Variants in AACS observed in about 807,000 individuals in gnomAD.
AACS encodes the protein acetoacetyl-CoA synthetase, also known as acetoacetate-CoA ligase.
In AACS, 69 loss-of-function variants were observed where a neutral mutation model predicts 83.1. The observed-to-expected ratio is 0.83, with a 90% CI of 0.68 to 1.01. AACS has a LOEUF of 1.01. AACS is among the 50% of genes least tolerant of loss of function. The probability of loss-of-function intolerance (pLI) is 0.00; values close to 1 mark genes in which losing one functional copy is unlikely to be tolerated. For missense variants in AACS, 866 were observed against 882.2 expected (o/e 0.98, Z 0.23); for synonymous variants, 333 against 343.4 (o/e 0.97, Z 0.33).
chr12:125,086,216 G>A, intron 3 of AACS, 114 bp from the exon 4 acceptor site: 3 of 834,776 alleles, frequency 3.6e-6, no homozygotes, highest in East Asian at 2.5e-5. Flanking sequence ...TGTTTTCCCT[G>A]GGTGTAGATT....
intron 12 of AACS, chr12:125,126,505 G>C (rs141352966): frequency 6.6e-6 from 1 of 152,176 alleles, no homozygotes; most frequent in African/African-American, 2.4e-5. Context: ...ATGTAGTTTA[G>C]GGTACACACC....
In AACS at chr12:125,130,391, A is replaced by C. The variant is rs1466213857; in HGVS notation, c.1549+931A>C. On this transcript the variant is annotated intron_variant, in intron 14 of 17. Transcript: ENST00000316519. This position sits in a 1 kb window ranked among gnomAD's most constrained non-coding sequence, Gnocchi z 4.9. ...TGGCTCCTGCCGTGAGCAGCTGTGC[A>C]GACAGACGAATGCAGAAAAGCAAGA... 6.6e-6 allele frequency among the ~76,000 whole-genome samples: 1 copy of C among 152,272 alleles called. No homozygotes were observed. The highest frequency in any genetic ancestry group is 1.9e-4 in the East Asian group (1 of 5,202).
At chr12:125,115,942 G>A (rs1404879921) in intron 9 of AACS, among the ~76,000 whole-genome samples, 3 of 152,234 alleles carry the variant, frequency 2.0e-5, no homozygotes, top group Non-Finnish European at 4.4e-5. Flanking sequence ...ACAGGCTCAA[G>A]AGTGGTGACC....
At position 125,094,914 on chromosome 12, in the gene AACS, T is replaced by G. The variant is rs1193886155; in HGVS notation, c.570+3391T>G. 1.3e-5 allele frequency among the ~76,000 whole-genome samples: 2 copies of G among 152,052 alleles called. No individual in the cohort carries two copies. The highest frequency in any genetic ancestry group is 4.8e-5 in the African/African-American group (2 of 41,400). On this transcript the variant is annotated intron_variant, in intron 5 of 17. Transcript: ENST00000316519. This position sits in a 1 kb window ranked among gnomAD's most constrained non-coding sequence, Gnocchi z 4.1. ...TCAGGGAAGGCCACCCTCTGATCCC[T>G]GCACACCAGAGAGCCCAGCCTGTAG...
At chr12:125,137,113 C>T (rs1054966472) in intron 17 of AACS, among the ~76,000 whole-genome samples, 8 of 152,218 alleles carry the variant, frequency 5.3e-5, no homozygotes, top group Admixed American at 5.2e-4. Flanking sequence ...CTGGCTTCTC[C>T]CTGCTATCCC....
At chr12:125,106,065 G>T (rs1956827438) in intron 7 of AACS, among the ~76,000 whole-genome samples, 1 of 152,172 alleles carries the variant, frequency 6.6e-6, no homozygotes, top group Non-Finnish European at 1.5e-5. Context: ...TTATATTTAA[G>T]GATGCCTTCT....
chr12:125,103,987 CAAAAAAAAAAAAAAAAA>C (rs71092274), intron 7 of AACS, among the ~76,000 whole-genome samples: 848 of 41,292 alleles, frequency 0.021, 36 homozygotes, highest in African/African-American at 0.053. Context: ...AACTCCGTCT[CAAAAAAAAAAAAAAAAA>C]AAAAAAAAAA....
At chr12:125,077,325 A>G (rs973022146) in intron 3 of AACS, among the ~76,000 whole-genome samples, 1 of 152,130 alleles carries the variant, frequency 6.6e-6, no homozygotes, top group South Asian at 2.1e-4. Flanking sequence ...CCTGGCTAAC[A>G]TGGTGAAACC....
Position 125,128,210 on chromosome 12 carries a change from T to A in AACS, c.1359T>A (p.Pro453=). 6.2e-7 allele frequency: 1 copy of A among 1,613,042 alleles called. No homozygotes were observed. The highest frequency in any genetic ancestry group is 8.5e-7 in the Non-Finnish European group (1 of 1,179,202). The part of the protein sequence containing the change: ...SCFMGHNFSL[P]VYKGEIQARN... Reference sequence around the variant, plus strand: ...TCATGGGCCACAATTTTTCTCTTCCTGTGTATAAAGGGGAGATTCAGGCCC... The same window carrying A: ...TCATGGGCCACAATTTTTCTCTTCCAGTGTATAAAGGGGAGATTCAGGCCC... The change falls in exon 13 of 18, where the codon CCT becomes CCA. Residue 453 remains proline (P), a synonymous_variant. Transcript: ENST00000316519.
At chr12:125,136,291 C>G (rs1957399442) in intron 16 of AACS, 2 of 234,330 alleles carry the variant, frequency 8.5e-6, no homozygotes, top group Non-Finnish European at 8.4e-6. Context: ...CTTAAGTGAT[C>G]CTCTCACCTC....
chr12:125,090,196 CCATT>C (rs1956443196), intron 4 of AACS, among the ~76,000 whole-genome samples: 25 of 54,736 alleles, frequency 4.6e-4, no homozygotes, highest in South Asian at 9.6e-4. Context: ...CTCCATCTAC[CCATT>C]TACCCATTAT....
intron 1 of AACS, among the ~76,000 whole-genome samples, chr12:125,066,341 C>CTCCTT (rs1343979362): frequency 2.0e-5 from 3 of 151,856 alleles, no homozygotes; most frequent in Non-Finnish European, 4.4e-5. Flanking sequence ...GGGGCAAAGG[C>CTCCTT]TCCTTCTCCG....
intron 17 of AACS, 82 bp downstream of exon 17, chr12:125,136,946 G>C (rs1593013313): frequency 7.1e-7 from 1 of 1,402,960 alleles, no homozygotes. Flanking sequence ...CATCTGAGCA[G>C]CTTGCCGGTG....
chr12:125,141,375 G>A (rs1957486632), intron 17 of AACS: 1 of 152,506 alleles, frequency 6.6e-6, no homozygotes. Flanking sequence ...GCCCAGTAGA[G>A]TGTGCAGCGT....
intron 1 of AACS, among the ~76,000 whole-genome samples, chr12:125,069,299 C>T (rs551477051): frequency 6.0e-4 from 92 of 152,350 alleles, no homozygotes; most frequent in African/African-American, 1.9e-3. Flanking sequence ...GCCTTGCTCC[C>T]GCCCTGCAGG....
At position 125,081,136 on chromosome 12, in the gene AACS, G is replaced by T. The variant is rs58169953; in HGVS notation, c.358+4525G>T. ...GCCTCCTGAGTAGCTAGGGTTGCAC[G>T]CGTGCGCCACCACACTGGCTAATTT... On this transcript the variant is annotated intron_variant, in intron 3 of 17. Transcript: ENST00000316519. 5.7e-3 allele frequency among the ~76,000 whole-genome samples: 866 copies of T among 152,176 alleles called. 14 individuals are homozygous for T. The highest frequency in any genetic ancestry group is 0.02 in the African/African-American group (835 of 41,512).
intron 8 of AACS, among the ~76,000 whole-genome samples, chr12:125,108,716 G>A (rs1469776540): frequency 1.3e-5 from 2 of 151,780 alleles, no homozygotes. Context: ...CGCCCAGACT[G>A]GAGTGCAGTG....
At chr12:125,102,847 A>C (rs761225497) in intron 6 of AACS, 54 bp downstream of exon 6, 397 of 1,551,336 alleles carry the variant, frequency 2.6e-4, no homozygotes, top group Non-Finnish European at 3.3e-4. Context: ...GTGTGGGTAC[A>C]TAAGAGTCTG....
chr12:125,133,044 G>A (rs1188118361), intron 14 of AACS, among the ~76,000 whole-genome samples: 3 of 152,190 alleles, frequency 2.0e-5, no homozygotes, highest in Non-Finnish European at 2.9e-5. Context: ...GGAAATCTTC[G>A]GGGCGTTATT....
Sources: gnomAD v4.1 joint callset for allele counts (sites outside exome capture counted in the v4.1 genomes callset) on GRCh38, gnomAD v4.1.1 for gene constraint, Gnocchi (gnomAD v3.1) non-coding constraint, MANE v1.5 for transcripts, NCBI Gene and HGNC (gene_info 2026-07-23, HGNC 2026-07-21) for gene names.